MYO3B: variants seen among roughly 807,000 people sequenced by gnomAD.
MYO3B encodes the protein myosin IIIB.
A neutral mutation model predicts 174.6 loss-of-function variants in MYO3B; 156 were observed. The observed-to-expected ratio is 0.89, with a 90% CI of 0.78 to 1.02. The LOEUF (loss-of-function observed/expected upper bound fraction) is 1.02, where lower values mean the gene tolerates loss of function less well. MYO3B is among the 50% of genes least tolerant of loss of function. MYO3B has a pLI of 0.00. For missense variants in MYO3B, 1,632 were observed against 1,639.4 expected (o/e 1.00, Z 0.08); for synonymous variants, 563 against 569.1 (o/e 0.99, Z 0.15).
intron 7 of MYO3B, among the ~76,000 whole-genome samples, chr2:170,321,376 CA>C (rs774189704): frequency 5.9e-5 from 9 of 151,338 alleles, no homozygotes; most frequent in Non-Finnish European, 8.8e-5. Context: ...TTTTTCGGGA[CA>C]AAAATAATAA....
chr2:170,514,281 T>C (rs932731663), intron 28 of MYO3B, among the ~76,000 whole-genome samples: 29 of 152,328 alleles, frequency 1.9e-4, no homozygotes, highest in African/African-American at 6.3e-4. Flanking sequence ...AAATCCCTGG[T>C]AGAGCCATTA....
In MYO3B at chr2:170,382,041, C is replaced by G. The variant is rs200310756; in HGVS notation, c.997C>G (p.Pro333Ala). Residue 333 changes from proline to alanine, a missense_variant, in exon 10 of 35, where the codon CCT (proline) becomes GCT (alanine). Pro to Ala is a conservative substitution (Grantham distance 27). Coordinates refer to ENST00000408978, the MANE Select transcript of MYO3B (RefSeq NM_138995.5). ...TRHERMHTRR[P>A]YHVEDAEKYC... ...GCATGAGAGGATGCATACCAGAAGA[C>G]CTTATCATGTGGAAGATGCTGAAAA... 1 of 1,613,472 alleles carries G rather than the reference C, an allele frequency of 6.2e-7. No individual in the cohort carries two copies. The highest frequency in any genetic ancestry group is 8.5e-7 in the Non-Finnish European group (1 of 1,179,548).
intron 7 of MYO3B, among the ~76,000 whole-genome samples, chr2:170,315,375 G>A (rs1325546681): frequency 4.6e-5 from 7 of 151,018 alleles, no homozygotes; most frequent in African/African-American, 7.3e-5. Context: ...GCAGTGGCAC[G>A]ATCTCACTTG....
At chr2:170,641,863 G>C (rs1380767927) in intron 32 of MYO3B, among the ~76,000 whole-genome samples, 1 of 92,582 alleles carries the variant, frequency 1.1e-5, no homozygotes, top group Non-Finnish European at 2.1e-5. Context: ...TTAAGTGGGG[G>C]GGGGGGGGGA....
At chr2:170,221,177 T>G (rs1412315591) in intron 6 of MYO3B, among the ~76,000 whole-genome samples, 5 of 152,064 alleles carry the variant, frequency 3.3e-5, no homozygotes, top group African/African-American at 1.2e-4. Flanking sequence ...TGATATGCTT[T>G]CACTTCTGCT....
rs1446409469 is a variant in MYO3B at position 170,654,959 on chromosome 2, T to G, written c.*1838T>G. 1 of 152,176 alleles carries G rather than the reference T, an allele frequency of 6.6e-6. No homozygotes were observed. The highest frequency in any genetic ancestry group is 1.5e-5 in the Non-Finnish European group (1 of 68,036). 9.4% of individuals were successfully genotyped at this position (152,176 alleles called of 1,614,324 possible). A position where few individuals can be genotyped will look rare whatever the true frequency, so the allele number is the denominator to read the frequency against. ...AAAATAATGTGTAGAATATATAAAT[T>G]TTTTATGTTACTGTTAATATACGAG... On this transcript the variant is annotated 3_prime_UTR_variant, in exon 35 of 35. Transcript: ENST00000408978.
chr2:170,533,849 A>C (rs1689516071), intron 30 of MYO3B, among the ~76,000 whole-genome samples: 1 of 152,212 alleles, frequency 6.6e-6, no homozygotes, highest in Non-Finnish European at 1.5e-5. Flanking sequence ...GAACAAATGC[A>C]ATCATTTTTT....
intron 32 of MYO3B, among the ~76,000 whole-genome samples, chr2:170,619,291 G>C (rs1695688533): frequency 6.6e-6 from 1 of 152,164 alleles, no homozygotes; most frequent in Admixed American, 6.5e-5. Flanking sequence ...TCCATTCATA[G>C]GCTCTCTGCA....
At chr2:170,508,023 G>A (rs1347784272) in intron 28 of MYO3B, among the ~76,000 whole-genome samples, 1 of 152,212 alleles carries the variant, frequency 6.6e-6, no homozygotes, top group African/African-American at 2.4e-5. Context: ...AATGCACAGA[G>A]AGGAAGCTGC....
At chr2:170,392,863 G>GATTTTTT (rs2094421492) in intron 16 of MYO3B, among the ~76,000 whole-genome samples, 3 of 150,262 alleles carry the variant, frequency 2.0e-5, no homozygotes, top group Admixed American at 2.0e-4. Context: ...AATACTGTGG[G>GATTTTTT]TTTTTTTTCT....
In MYO3B at chr2:170,371,284, C is replaced by T. The variant is rs374481435; in HGVS notation, c.971+1907C>T. Among the ~76,000 whole-genome samples, 108 of 151,248 alleles carry T rather than the reference C, an allele frequency of 7.1e-4. 1 individual carries two copies. Among genetic ancestry groups the T allele is most frequent in the African/African-American group, 2.4e-3 (100 of 41,204 alleles). Reference sequence around the variant, plus strand: ...TACCATAGAAAATTGTAACACCAGCCTCTCTCATCCCCTTTCTCTAATTTC... The same window carrying T: ...TACCATAGAAAATTGTAACACCAGCTTCTCTCATCCCCTTTCTCTAATTTC... On this transcript the variant is annotated intron_variant, in intron 9 of 34. Transcript: ENST00000408978.
rs146590592 is a variant in MYO3B, at chr2:170,466,945, C to T, written c.3014+234C>T. Among the ~76,000 whole-genome samples, 157 of 152,290 alleles carry T rather than the reference C, an allele frequency of 1.0e-3. 1 individual carries two copies. The highest frequency in any genetic ancestry group is 3.2e-3 in the African/African-American group (132 of 41,566). On this transcript the variant is annotated intron_variant, in intron 25 of 34. Coordinates refer to ENST00000408978, the MANE Select transcript of MYO3B (RefSeq NM_138995.5). ...TCACATTATTTTAAATTTCCATATA[C>T]GTTTATATGTTATAAATCCTTAGGT... is the stretch of plus-strand genomic sequence containing the variant.
At chr2:170,274,744 T>C (rs2105377229) in intron 7 of MYO3B, among the ~76,000 whole-genome samples, 1 of 152,324 alleles carries the variant, frequency 6.6e-6, no homozygotes, top group African/African-American at 2.4e-5. Context: ...AAAAGGTGAC[T>C]TTTACTGTAT....
chr2:170,313,458 A>G (rs2093753236), intron 7 of MYO3B, among the ~76,000 whole-genome samples: 1 of 152,174 alleles, frequency 6.6e-6, no homozygotes, highest in African/African-American at 2.4e-5. Context: ...AAAAACCTAC[A>G]GCTGAGCCCA....
chr2:170,455,492 T>C lies in MYO3B; in HGVS notation c.2731-7876T>C, dbSNP rs151083823. 1.9e-3 allele frequency among the ~76,000 whole-genome samples: 284 copies of C among 152,334 alleles called. 1 individual carries two copies. Among genetic ancestry groups the C allele is most frequent in the African/African-American group, 6.6e-3 (276 of 41,576 alleles). ...TCTACTGGCTGTAGGACTCTGGGAA[T>C]TCTACCTAAAATATGTTAGTCTTAA... On this transcript the variant is annotated intron_variant, in intron 23 of 34. Transcript: ENST00000408978.
In MYO3B at chr2:170,293,023, T is replaced by C. The variant is rs1386542489; in HGVS notation, c.750-42362T>C. Among the ~76,000 whole-genome samples the C allele has an allele frequency of 2.0e-5, 3 of 152,122 alleles. No individual in the cohort carries two copies. In the East Asian group the frequency reaches 5.8e-4, roughly 29 times the overall value. Reference sequence around the variant, plus strand: ...TGGGGAAAGATTTTCCACACACTTGTTGCAGGGCACCATGAGGGGGAGAGG... The same window carrying C: ...TGGGGAAAGATTTTCCACACACTTGCTGCAGGGCACCATGAGGGGGAGAGG... On this transcript the variant is annotated intron_variant, in intron 7 of 34. Transcript: ENST00000408978.
rs1264846533 is a variant in MYO3B at position 170,654,337 on chromosome 2, G to GTAGA, written c.*1220_*1223dup. 2.6e-5 allele frequency: 4 copies of GTAGA among 152,028 alleles called. No homozygotes were observed. Among genetic ancestry groups the GTAGA allele is most frequent in the African/African-American group, 7.2e-5 (3 of 41,402 alleles). The allele number at this position is 152,028 out of a possible 1,614,324, so 9.4% of individuals were successfully genotyped here. On this transcript the variant is annotated 3_prime_UTR_variant, in exon 35 of 35. Transcript: ENST00000408978. ...TATTTTTCTTACTCTAAAATATGTG[G>GTAGA]TAGATAGTATGCAAGAAAAGCCGGG... is the stretch of plus-strand genomic sequence containing the variant.
intron 14 of MYO3B, among the ~76,000 whole-genome samples, chr2:170,388,922 C>G: frequency 6.6e-6 from 1 of 152,136 alleles, no homozygotes; most frequent in South Asian, 2.1e-4. Context: ...TTCCCTGTGG[C>G]TTTTTGATTA....
chr2:170,282,341 C>T (rs982575331), intron 7 of MYO3B, among the ~76,000 whole-genome samples: 2 of 152,188 alleles, frequency 1.3e-5, no homozygotes, highest in African/African-American at 4.8e-5. Context: ...ATTTTCCCAG[C>T]ACCACTTATT....
Sources: allele counts gnomAD v4.1 joint callset (sites outside exome capture counted in the v4.1 genomes callset), GRCh38; gene constraint gnomAD v4.1.1; transcripts MANE v1.5; gene names NCBI Gene and HGNC (gene_info 2026-07-23, HGNC 2026-07-21).